Variants in OR7E24 observed in about 807,000 individuals in gnomAD.
OR7E24 encodes olfactory receptor 7E24.
For synonymous variants in OR7E24, 130 were observed against 157.5 expected (o/e 0.83, Z 1.31); for missense variants, 385 against 410.3 (o/e 0.94, Z 0.53).
chr19:9,229,380 C>CA, the OR7E24 span, among the ~76,000 whole-genome samples: 2 of 151,726 alleles, frequency 1.3e-5, no homozygotes, highest in African/African-American at 4.8e-5. Context: ...AAAAAAACTA[C>CA]AAAAATTAGC....
the OR7E24 span, chr19:9,210,533 T>C: frequency 1.3e-5 from 2 of 152,262 alleles, no homozygotes; most frequent in African/African-American, 2.4e-5. Context: ...GAGCTATGAC[T>C]GAGCCGCTTC....
the OR7E24 span, among the ~76,000 whole-genome samples, chr19:9,239,151 T>C: frequency 2.6e-5 from 4 of 152,178 alleles, no homozygotes; most frequent in South Asian, 8.3e-4. Flanking sequence ...TTTCTCCACA[T>C]ACCCAACATT....
At chr19:9,240,152 C>A in the OR7E24 span, among the ~76,000 whole-genome samples, 30,822 of 152,066 alleles carry the variant, frequency 0.2, 5,183 homozygotes, top group African/African-American at 0.46. Flanking sequence ...GTTTACAGGC[C>A]TGAGCCACCA....
chr19:9,235,353 C>A, the OR7E24 span: 52 of 1,392,282 alleles, frequency 3.7e-5, no homozygotes, highest in Admixed American at 2.2e-4. Flanking sequence ...CCTTTGTGGA[C>A]ACCTGTTTCA....
chr19:9,221,414 G>A, the OR7E24 span, among the ~76,000 whole-genome samples: 5 of 114,318 alleles, frequency 4.4e-5, no homozygotes, highest in South Asian at 6.7e-4. Flanking sequence ...GCAGTGGCGC[G>A]ATCTCCGCTC....
upstream of OR7E24, among the ~76,000 whole-genome samples, chr19:9,245,130 G>T (rs2066125623): frequency 6.6e-6 from 1 of 152,052 alleles, no homozygotes; most frequent in Non-Finnish European, 1.5e-5. Context: ...CACGAGAATC[G>T]CTTGAACCCG....
At chr19:9,226,273 A>C in the OR7E24 span, among the ~76,000 whole-genome samples, 3 of 152,238 alleles carry the variant, frequency 2.0e-5, no homozygotes, top group Non-Finnish European at 4.4e-5. Flanking sequence ...TACTTTCTGC[A>C]GAAAGGGTAC....
chr19:9,251,850 T>C lies in OR7E24; in HGVS notation c.807T>C (p.Phe269=). The part of the protein sequence containing the change: ...CGSHLAVVCL[F]YGTGLVGYLS... ...CTCACCTGGCAGTTGTTTGCTTATTTTATGGAACAGGGCTTGTAGGGTACC... is the reference window on the plus strand; with the variant it reads ...CTCACCTGGCAGTTGTTTGCTTATTCTATGGAACAGGGCTTGTAGGGTACC... The change falls in exon 1 of 1, where the codon TTT becomes TTC. Residue 269 remains phenylalanine (F), a synonymous_variant. Transcript: ENST00000456448. 8 of 1,614,130 alleles carry C rather than the reference T, an allele frequency of 5.0e-6. No homozygotes were observed. The highest frequency in any genetic ancestry group is 6.8e-6 in the Non-Finnish European group (8 of 1,179,996).
At chr19:9,222,375 G>C in the OR7E24 span, among the ~76,000 whole-genome samples, 1 of 152,192 alleles carries the variant, frequency 6.6e-6, no homozygotes, top group Non-Finnish European at 1.5e-5. Context: ...CATTAAATCT[G>C]TAGATTGCTT....
At chr19:9,242,747 G>T (rs1395310698), upstream of OR7E24, among the ~76,000 whole-genome samples, 5 of 152,112 alleles carry the variant, frequency 3.3e-5, no homozygotes, top group East Asian at 9.6e-4. Flanking sequence ...TTGTTCTGAT[G>T]ATTCATAGTA....
the OR7E24 span, among the ~76,000 whole-genome samples, chr19:9,239,020 C>G: frequency 6.6e-6 from 1 of 152,146 alleles, no homozygotes; most frequent in African/African-American, 2.4e-5. Context: ...TTCATATAAA[C>G]TCAGTAGTGG....
chr19:9,214,428 T>A, the OR7E24 span: 1 of 1,613,858 alleles, frequency 6.2e-7, no homozygotes, highest in Non-Finnish European at 8.5e-7. Context: ...GAGGCAGGGG[T>A]TCATGATGAC....
upstream of OR7E24, among the ~76,000 whole-genome samples, chr19:9,244,677 T>G (rs1262171107): frequency 6.6e-6 from 1 of 152,220 alleles, no homozygotes; most frequent in Non-Finnish European, 1.5e-5. Context: ...ACTGGATTTC[T>G]TAGTGATTTC....
At chr19:9,216,506 G>A in the OR7E24 span, among the ~76,000 whole-genome samples, 1 of 152,104 alleles carries the variant, frequency 6.6e-6, no homozygotes, top group African/African-American at 2.4e-5. Context: ...ATATTGAAGA[G>A]TGAAATTAAA....
chr19:9,230,020 T>G, the OR7E24 span, among the ~76,000 whole-genome samples: 1 of 151,558 alleles, frequency 6.6e-6, no homozygotes, highest in Admixed American at 6.6e-5. Flanking sequence ...CCATATTTAT[T>G]TAGTCTATGA....
upstream of OR7E24, among the ~76,000 whole-genome samples, chr19:9,243,344 A>ATT (rs58510880): frequency 0.011 from 1,475 of 138,988 alleles, 23 homozygotes; most frequent in East Asian, 0.035. Context: ...TTGCTCTGGC[A>ATT]TTTTTTTTTT....
chr19:9,246,219 G>A (rs1467532032), upstream of OR7E24, among the ~76,000 whole-genome samples: 1 of 151,476 alleles, frequency 6.6e-6, no homozygotes, highest in Non-Finnish European at 1.5e-5. Context: ...ACAGGCACGG[G>A]CCACCACACC....
the OR7E24 span, among the ~76,000 whole-genome samples, chr19:9,241,895 T>A: frequency 2.0e-5 from 3 of 152,252 alleles, no homozygotes; most frequent in African/African-American, 7.2e-5. Flanking sequence ...ATGTTTTTAC[T>A]TTAGGTTCTC....
At chr19:9,229,010 A>G in the OR7E24 span, among the ~76,000 whole-genome samples, 1 of 152,190 alleles carries the variant, frequency 6.6e-6, no homozygotes, top group African/African-American at 2.4e-5. Context: ...TCAAGGATGT[A>G]TGCCTGTTTC....
Sources: allele counts gnomAD v4.1 joint callset (sites outside exome capture counted in the v4.1 genomes callset), GRCh38; gene constraint gnomAD v4.1.1; transcripts MANE v1.5; gene names NCBI Gene and HGNC (gene_info 2026-07-23, HGNC 2026-07-21).